Variants in RBPMS observed in about 807,000 individuals in gnomAD.
RBPMS encodes the protein RNA-binding protein with multiple splicing.
RBPMS carries 7 observed loss-of-function variants against 26.8 expected under a neutral mutation model. The observed-to-expected ratio is 0.26, with a 90% CI of 0.15 to 0.49. The LOEUF (loss-of-function observed/expected upper bound fraction) is 0.49. RBPMS is among the 20% of genes least tolerant of loss of function. The pLI, the probability that RBPMS is intolerant of heterozygous loss-of-function variation, is 0.98. For synonymous variants in RBPMS, 96 were observed against 93.3 expected (o/e 1.03, Z -0.17); for missense variants, 186 against 250.0 (o/e 0.74, Z 1.73).
In RBPMS at chr8:30,566,870, CAATT is replaced by C. The variant is rs970166239; in HGVS notation, c.*111+515_*111+518del. On this transcript the variant is annotated intron_variant, in intron 8 of 8. Coordinates refer to ENST00000397323, the MANE Select transcript of RBPMS (RefSeq NM_001008710.3). ...TGGAGCATGACTGAATCAGAATTCACAATTAATTTCTCCAGACTGTGGGCCTCTT... is the reference window on the plus strand; with the variant it reads ...TGGAGCATGACTGAATCAGAATTCACAATTTCTCCAGACTGTGGGCCTCTT... Among the ~76,000 whole-genome samples, 8 of 152,182 alleles carry C rather than the reference CAATT, an allele frequency of 5.3e-5. No individual in the cohort carries two copies. In the East Asian group the frequency reaches 9.7e-4, roughly 18 times the overall value.
intron 4 of RBPMS, among the ~76,000 whole-genome samples, chr8:30,494,496 C>T (rs1466095142): frequency 6.6e-6 from 1 of 152,144 alleles, no homozygotes; most frequent in African/African-American, 2.4e-5. Context: ...TATATTCATC[C>T]CCAGTTTACA....
intron 4 of RBPMS, among the ~76,000 whole-genome samples, chr8:30,490,750 C>T (rs1286606318): frequency 6.6e-6 from 1 of 152,132 alleles, no homozygotes; most frequent in East Asian, 1.9e-4. Flanking sequence ...TATAGATAAG[C>T]CTTTTTGCAG....
chr8:30,486,360 AACAT>A (rs778061453), intron 4 of RBPMS, among the ~76,000 whole-genome samples: 1 of 110,312 alleles, frequency 9.1e-6, no homozygotes, highest in Admixed American at 9.5e-5. Context: ...ATAAATAAAT[AACAT>A]AAAAAAAAAA....
chr8:30,472,528 A>G (rs895946714), intron 1 of RBPMS, among the ~76,000 whole-genome samples: 2 of 152,216 alleles, frequency 1.3e-5, no homozygotes, highest in African/African-American at 2.4e-5. Context: ...TAGGTTATAC[A>G]TATGTCAAAA....
rs1263808110 is a variant in RBPMS, at chr8:30,563,794, C to T, written c.*8-2463C>T. Among the ~76,000 whole-genome samples the T allele has an allele frequency of 1.3e-5, 2 of 152,146 alleles. 1 individual carries two copies. Among genetic ancestry groups the T allele is most frequent in the South Asian group, 4.1e-4 (2 of 4,824 alleles). On this transcript the variant is annotated intron_variant, in intron 7 of 8. Coordinates refer to ENST00000397323, the MANE Select transcript of RBPMS (RefSeq NM_001008710.3). ...AGGAAAGGCACTGGGGCTCCAGAGG[C>T]CCAGACAGCTGCGGTGGCTCCTGCT... is the stretch of plus-strand genomic sequence containing the variant.
intron 3 of RBPMS, among the ~76,000 whole-genome samples, chr8:30,478,880 G>A (rs1224747200): frequency 6.6e-6 from 1 of 152,200 alleles, no homozygotes; most frequent in Non-Finnish European, 1.5e-5. Context: ...TGAGAGTCCA[G>A]GGGTTTTATC....
At chr8:30,422,245 A>T (rs1219325494) in intron 1 of RBPMS, among the ~76,000 whole-genome samples, 1 of 151,480 alleles carries the variant, frequency 6.6e-6, no homozygotes, top group Non-Finnish European at 1.5e-5. Flanking sequence ...CCTCCTGAGT[A>T]ACTGGGATTA....
chr8:30,540,905 T>G (rs1825317431), intron 5 of RBPMS, among the ~76,000 whole-genome samples: 1 of 152,224 alleles, frequency 6.6e-6, no homozygotes, highest in Non-Finnish European at 1.5e-5. Context: ...ACCAGGTCTG[T>G]GGCTTGGGCA....
At chr8:30,447,353 A>G (rs1021314419) in intron 1 of RBPMS, among the ~76,000 whole-genome samples, 5 of 152,272 alleles carry the variant, frequency 3.3e-5, no homozygotes, top group African/African-American at 1.2e-4. Context: ...TCATGTGCCC[A>G]ACAGAAATTT....
intron 6 of RBPMS, chr8:30,545,037 G>C (rs1825760192): frequency 7.1e-7 from 1 of 1,414,602 alleles, no homozygotes; most frequent in Admixed American, 2.6e-5. Context: ...TCTGTGTGTT[G>C]AGAGTTTTCC....
chr8:30,563,155 TGG>T (rs1037388453), intron 7 of RBPMS, among the ~76,000 whole-genome samples: 8 of 152,120 alleles, frequency 5.3e-5, no homozygotes, highest in Admixed American at 3.3e-4. Context: ...GCTGTTCCTG[TGG>T]CATAAGCAAG....
chr8:30,411,765 C>T (rs949582775), intron 1 of RBPMS, among the ~76,000 whole-genome samples: 8 of 151,604 alleles, frequency 5.3e-5, no homozygotes, highest in Non-Finnish European at 1.0e-4. Flanking sequence ...GGGTGGATCA[C>T]GAGGTCAGGA....
intron 5 of RBPMS, among the ~76,000 whole-genome samples, chr8:30,506,813 G>C (rs1005596073): frequency 2.0e-5 from 3 of 152,186 alleles, no homozygotes; most frequent in African/African-American, 7.2e-5. Context: ...AAGGAAGAAT[G>C]TTCTGTGGTT....
At chr8:30,465,463 G>T (rs181408488) in intron 1 of RBPMS, among the ~76,000 whole-genome samples, 12 of 152,284 alleles carry the variant, frequency 7.9e-5, no homozygotes, top group Non-Finnish European at 1.3e-4. Flanking sequence ...CAGACATGAG[G>T]AATGGCCTGA....
At chr8:30,421,449 A>G (rs141246320) in intron 1 of RBPMS, among the ~76,000 whole-genome samples, 90 of 152,306 alleles carry the variant, frequency 5.9e-4, no homozygotes, top group Middle Eastern at 3.4e-3. Context: ...TAAATCCTCT[A>G]TAGTGTTTTT....
chr8:30,571,990 A>T lies in RBPMS; in HGVS notation c.*1465A>T, dbSNP rs1395782765. On this transcript the variant is annotated 3_prime_UTR_variant, in exon 9 of 9. Transcript: ENST00000397323. ...ATATAAAGATGTCAAGAAGCTTTTA[A>T]AGGTCAACACAAAAAACCAAGGCCA... 6.6e-6 allele frequency: 1 copy of T among 152,202 alleles called. No homozygotes were observed. Among genetic ancestry groups the T allele is most frequent in the African/African-American group, 2.4e-5 (1 of 41,444 alleles). 9.4% of individuals were successfully genotyped at this position (152,202 alleles called of 1,614,324 possible). A position where few individuals can be genotyped will look rare whatever the true frequency, so the allele number is the denominator to read the frequency against.
At chr8:30,568,468 A>G (rs566879056) in intron 8 of RBPMS, among the ~76,000 whole-genome samples, 33 of 152,174 alleles carry the variant, frequency 2.2e-4, no homozygotes, top group Non-Finnish European at 4.3e-4. Flanking sequence ...GAGTTCCACC[A>G]AAGACCCAAA....
At chr8:30,511,260 G>T (rs547573482) in intron 5 of RBPMS, among the ~76,000 whole-genome samples, 2 of 151,840 alleles carry the variant, frequency 1.3e-5, no homozygotes, top group African/African-American at 2.4e-5. Context: ...GTTGCAGTGA[G>T]CTGAGATCGT....
chr8:30,479,410 C>T (rs771010425), intron 4 of RBPMS, 33 bp downstream of exon 4: 1 of 1,462,232 alleles, frequency 6.8e-7, no homozygotes. Context: ...TAGGGGGTTT[C>T]CATATGAGGT....
Sources: allele counts gnomAD v4.1 joint callset (sites outside exome capture counted in the v4.1 genomes callset), GRCh38; gene constraint gnomAD v4.1.1; transcripts MANE v1.5; gene names NCBI Gene and HGNC (gene_info 2026-07-23, HGNC 2026-07-21).